Variants in KATNAL2 observed in about 807,000 individuals in gnomAD.
The protein encoded by KATNAL2 is katanin p60 ATPase-containing subunit A-like 2.
KATNAL2 carries 52 observed loss-of-function variants against 76.3 expected under a neutral mutation model. That is an observed-to-expected ratio of 0.68 (90% CI 0.55 to 0.86). The LOEUF (loss-of-function observed/expected upper bound fraction) is 0.86, where lower values mean the gene tolerates loss of function less well. KATNAL2 is among the 40% of genes least tolerant of loss of function. The pLI is 0.00. For missense variants in KATNAL2, 660 were observed against 668.9 expected (o/e 0.99, Z 0.15); for synonymous variants, 243 against 244.2 (o/e 1.00, Z 0.05).
intron 1 of KATNAL2, among the ~76,000 whole-genome samples, chr18:46,934,085 G>A (rs1325908854): frequency 6.6e-6 from 1 of 151,836 alleles, no homozygotes; most frequent in Non-Finnish European, 1.5e-5. Flanking sequence ...CTTTGCTATT[G>A]TGAATAGTGC....
chr18:47,098,389 T>C (rs956108466), intron 15 of KATNAL2: 1 of 215,332 alleles, frequency 4.6e-6, no homozygotes, highest in Non-Finnish European at 9.5e-6. Flanking sequence ...CAAGAGAAAA[T>C]GAGGAAGACG....
Position 46,919,779 on chromosome 18 carries a change from A to C in KATNAL2, c.-510+1853A>C, listed in dbSNP as rs555664501. On this transcript the variant is annotated intron_variant, in intron 1 of 17. Transcript: ENST00000683218. Reference sequence around the variant, plus strand: ...TAATGAATAAAGGAATGAATGAACAATGTCCAGGTTCTAAATCTGTCTCTC... The same window carrying C: ...TAATGAATAAAGGAATGAATGAACACTGTCCAGGTTCTAAATCTGTCTCTC... Among the ~76,000 whole-genome samples the C allele has an allele frequency of 5.6e-4, 85 of 152,350 alleles. 1 individual carries two copies. In the South Asian group the frequency reaches 0.017, roughly 31 times the overall value.
intron 1 of KATNAL2, among the ~76,000 whole-genome samples, chr18:46,929,466 C>T (rs2058838209): frequency 6.6e-6 from 1 of 152,080 alleles, no homozygotes; most frequent in Non-Finnish European, 1.5e-5. Context: ...TGATCTCAAA[C>T]TCCTGGCCTC....
rs746019250 is a variant in KATNAL2, at chr18:47,063,365, A to T, written c.726+4A>T. 5.8e-5 allele frequency: 93 copies of T among 1,612,462 alleles called. No homozygotes were observed. The highest frequency in any genetic ancestry group is 7.8e-5 in the Non-Finnish European group (92 of 1,179,102). ...ATTGGCAGCCGTGGTGAGCCGGGTA[A>T]GATCTGATATTCAATTCACAAATTT... On this transcript the variant is annotated splice_donor_region_variant and intron_variant, in intron 10 of 17. Transcript: ENST00000683218.
intron 1 of KATNAL2, among the ~76,000 whole-genome samples, chr18:46,923,644 C>T (rs540368628): frequency 1.2e-4 from 18 of 152,170 alleles, no homozygotes; most frequent in Middle Eastern, 3.2e-3. Context: ...CCTGAGGAAT[C>T]GCCACACTGA....
chr18:47,090,079 TA>T (rs934225416), intron 15 of KATNAL2, among the ~76,000 whole-genome samples: 6 of 151,530 alleles, frequency 4.0e-5, no homozygotes, highest in African/African-American at 1.5e-4. Context: ...ATTACAGGCG[TA>T]AGCCACCATG....
At chr18:47,045,913 GT>G (rs1302979038) in intron 3 of KATNAL2, among the ~76,000 whole-genome samples, 1 of 152,164 alleles carries the variant, frequency 6.6e-6, no homozygotes, top group Non-Finnish European at 1.5e-5. Context: ...TCATACAGGA[GT>G]TGTCCTTTTA....
Position 47,101,773 on chromosome 18 carries a change from T to A in KATNAL2, c.*768T>A, listed in dbSNP as rs1044062426. 3.9e-5 allele frequency: 6 copies of A among 152,446 alleles called. No homozygotes were observed. The highest frequency in any genetic ancestry group is 6.5e-5 in the Admixed American group (1 of 15,308). 9.4% of individuals were successfully genotyped at this position (152,446 alleles called of 1,614,324 possible). A position where few individuals can be genotyped will look rare whatever the true frequency, so the allele number is the denominator to read the frequency against. On this transcript the variant is annotated 3_prime_UTR_variant, in exon 18 of 18. Coordinates refer to ENST00000683218, the MANE Select transcript of KATNAL2 (RefSeq NM_001387690.1). ...TTCTCATCAGATCCAAAGCTTAGGA[T>A]GGGGCACCTAAGCTTCGAGAACATT...
chr18:47,048,486 C>T (rs865848061), intron 4 of KATNAL2, among the ~76,000 whole-genome samples: 1 of 152,208 alleles, frequency 6.6e-6, no homozygotes, highest in Non-Finnish European at 1.5e-5. Flanking sequence ...CCATGGTTAG[C>T]AGACAGGCAG....
chr18:46,920,276 C>G (rs2058462950), intron 1 of KATNAL2: 1 of 370,732 alleles, frequency 2.7e-6, no homozygotes, highest in African/African-American at 2.1e-5. Flanking sequence ...ATAGGCTTTG[C>G]CAAGTAGATC....
chr18:47,051,163 C>T (rs1421375862), intron 4 of KATNAL2, among the ~76,000 whole-genome samples: 2 of 152,162 alleles, frequency 1.3e-5, no homozygotes, highest in African/African-American at 2.4e-5. Context: ...AGCGGCTCCT[C>T]CTGCCAACCA....
rs769704350 is a variant in KATNAL2 at position 47,034,274 on chromosome 18, C to T, written c.52-12183C>T. 19 of 1,613,780 alleles carry T rather than the reference C, an allele frequency of 1.2e-5. No homozygotes were observed. The highest frequency in any genetic ancestry group is 5.0e-5 in the Admixed American group (3 of 59,994). On this transcript the variant is annotated intron_variant, in intron 3 of 17. Transcript: ENST00000683218. ...TGCTCTTTCTCCTCGGGCGACAGGC[C>T]GTGTGTCCCATTTCCTGGGTCCCGG...
chr18:46,943,411 T>C (rs976854703), intron 1 of KATNAL2, among the ~76,000 whole-genome samples: 3 of 152,118 alleles, frequency 2.0e-5, no homozygotes, highest in Admixed American at 1.3e-4. Flanking sequence ...ACAAAGACCT[T>C]GCTGATAAAA....
chr18:46,925,059 T>C (rs1198372101), intron 1 of KATNAL2, among the ~76,000 whole-genome samples: 2 of 152,138 alleles, frequency 1.3e-5, no homozygotes, highest in Non-Finnish European at 2.9e-5. Flanking sequence ...CTTTTCCCAA[T>C]TGAATACCCT....
intron 3 of KATNAL2, among the ~76,000 whole-genome samples, chr18:46,955,248 C>G (rs56400973): frequency 0.047 from 6,675 of 141,838 alleles, 185 homozygotes; most frequent in Non-Finnish European, 0.065. Flanking sequence ...CAAAGTTTCA[C>G]TCTTGTTGCC....
intron 1 of KATNAL2, among the ~76,000 whole-genome samples, chr18:46,918,298 G>C (rs1334365073): frequency 6.6e-6 from 1 of 152,186 alleles, no homozygotes; most frequent in Non-Finnish European, 1.5e-5. Context: ...TTTCCTTGAA[G>C]AATTGGGTGG....
Position 46,954,355 on chromosome 18 carries a change from GGA to G in KATNAL2, c.51+7434_51+7435del, listed in dbSNP as rs2059660189. Among the ~76,000 whole-genome samples the G allele has an allele frequency of 5.6e-5, 7 of 125,584 alleles. No individual in the cohort carries two copies. The South Asian group carries it at 2.1e-3, about 38-fold the overall frequency. 82.4% of individuals were successfully genotyped at this position (125,584 alleles called of 152,430 possible). On this transcript the variant is annotated intron_variant, in intron 3 of 17. Transcript: ENST00000683218. ...TTTTTTTTTTTTTTTTTCCTGAGAT[GGA>G]GTCTTGCTCTGTCACCAGGCGGGAG...
chr18:47,082,772 G>A (rs2062588484), intron 15 of KATNAL2, among the ~76,000 whole-genome samples: 1 of 152,118 alleles, frequency 6.6e-6, no homozygotes, highest in Non-Finnish European at 1.5e-5. Context: ...TTGTGTATTT[G>A]CTAGTGTATC....
At chr18:47,062,143 G>T (rs1206826641) in intron 8 of KATNAL2, among the ~76,000 whole-genome samples, 1 of 152,128 alleles carries the variant, frequency 6.6e-6, no homozygotes, top group Admixed American at 6.5e-5. Flanking sequence ...CCTTTGGGAG[G>T]CTAAGGTGGG....
Sources: allele counts gnomAD v4.1 joint callset (sites outside exome capture counted in the v4.1 genomes callset), GRCh38; gene constraint gnomAD v4.1.1; transcripts MANE v1.5; gene names NCBI Gene and HGNC (gene_info 2026-07-23, HGNC 2026-07-21).